PIP5K1C: variants seen among roughly 807,000 people sequenced by gnomAD.
PIP5K1C encodes the protein phosphatidylinositol 4-phosphate 5-kinase type-1 gamma.
A neutral mutation model predicts 80.1 loss-of-function variants in PIP5K1C; 45 were observed. That is an observed-to-expected ratio of 0.56 (90% CI 0.44 to 0.72). The LOEUF is 0.72. PIP5K1C is among the 30% of genes least tolerant of loss of function. The pLI is 0.00. For missense variants in PIP5K1C, 753 were observed against 954.6 expected, an observed-to-expected ratio of 0.79 and a Z score of 2.78; for synonymous variants, 498 against 420.1, an observed-to-expected ratio of 1.19 and a Z score of -2.27.
rs139331643 is a variant in PIP5K1C at position 3,680,594 on chromosome 19, G to A, written c.95-13241C>T. Among the ~76,000 whole-genome samples, 600 of 152,310 alleles carry A rather than the reference G, an allele frequency of 3.9e-3. 6 individuals are homozygous for A. Among genetic ancestry groups the A allele is most frequent in the African/African-American group, 0.014 (589 of 41,572 alleles). ...TGGGATGACAGGCGTGAGCCACCGC[G>A]CCCGGACTGTCTAAATACAATGTCT... On this transcript the variant is annotated intron_variant, in intron 1 of 17. Transcript: ENST00000335312.
At chr19:3,665,880 G>A (rs1448077634) in intron 2 of PIP5K1C, among the ~76,000 whole-genome samples, 1 of 152,066 alleles carries the variant, frequency 6.6e-6, no homozygotes, top group African/African-American at 2.4e-5. Flanking sequence ...CGTTTGCTAG[G>A]AGACCCCATG....
intron 16 of PIP5K1C, among the ~76,000 whole-genome samples, chr19:3,636,115 C>T (rs141353408): frequency 6.6e-6 from 1 of 152,120 alleles, no homozygotes; most frequent in African/African-American, 2.4e-5. Context: ...TGAGATCATG[C>T]CATTGCACTC....
intron 3 of PIP5K1C, among the ~76,000 whole-genome samples, chr19:3,664,453 T>C (rs2034940775): frequency 6.6e-6 from 1 of 152,050 alleles, no homozygotes; most frequent in African/African-American, 2.4e-5. Context: ...ACCAACACGG[T>C]GTGAGCCAGG....
intron 1 of PIP5K1C, among the ~76,000 whole-genome samples, chr19:3,685,824 T>C (rs1024166184): frequency 7.3e-5 from 11 of 151,296 alleles, no homozygotes; most frequent in African/African-American, 2.7e-4. Flanking sequence ...TGTGGAGGAG[T>C]TGTGACAGAG....
chr19:3,651,537 C>G (rs2034449717), intron 8 of PIP5K1C, among the ~76,000 whole-genome samples: 1 of 152,212 alleles, frequency 6.6e-6, no homozygotes, highest in African/African-American at 2.4e-5. Flanking sequence ...GAAACGCTAT[C>G]TCTCTCTCAT....
At chr19:3,651,067 T>C (rs1379864616) in intron 8 of PIP5K1C, among the ~76,000 whole-genome samples, 2 of 150,404 alleles carry the variant, frequency 1.3e-5, no homozygotes, top group Non-Finnish European at 3.0e-5. Flanking sequence ...TTTTTTTTTT[T>C]TTTTTAAGAC....
chr19:3,633,863 T>C (rs1047677052), intron 16 of PIP5K1C, among the ~76,000 whole-genome samples: 3 of 151,904 alleles, frequency 2.0e-5, no homozygotes, highest in African/African-American at 7.3e-5. Context: ...CTCCTCCTCC[T>C]CCACAGCCCG....
At position 3,653,373 on chromosome 19, in the gene PIP5K1C, A is replaced by C; in HGVS notation, c.838T>G (p.Phe280Val). The C allele has an allele frequency of 1.2e-6, 2 of 1,612,728 alleles. No individual in the cohort carries two copies. The highest frequency in any genetic ancestry group is 8.5e-7 in the Non-Finnish European group (1 of 1,180,010). ...AGCCCCTCGGGCATGTCCTGCATGA[A>C]GTCCAGGTCCTTGTAGGTGGGGAAG... Reference protein sequence around the residue: ...KSFPTYKDLDFMQDMPEGLLL... With the variant: ...KSFPTYKDLDVMQDMPEGLLL... Residue 280 changes from phenylalanine (F) to valine (V), a missense_variant, in exon 7 of 18, where the codon TTC (phenylalanine) becomes GTC (valine). Physicochemically the swap from Phe to Val is conservative, Grantham distance 50. This residue lies in a region of PIP5K1C where 105 missense variants were observed against 133.4 expected (regional missense o/e 0.79). Coordinates refer to ENST00000335312, the MANE Select transcript of PIP5K1C (RefSeq NM_012398.3).
At chr19:3,655,945 G>A (rs2034611737) in intron 6 of PIP5K1C, among the ~76,000 whole-genome samples, 1 of 152,230 alleles carries the variant, frequency 6.6e-6, no homozygotes, top group Non-Finnish European at 1.5e-5. Flanking sequence ...GCCGGATGGA[G>A]CTGCCTCACG....
intron 4 of PIP5K1C, 83 bp downstream of exon 4, chr19:3,661,788 A>G: frequency 6.5e-7 from 1 of 1,550,252 alleles, no homozygotes; most frequent in Non-Finnish European, 8.8e-7. Flanking sequence ...CTTTCAGCAG[A>G]GAAGGGCGCT....
In PIP5K1C at chr19:3,686,731, T is replaced by TAAAATA. The variant is rs1555729780; in HGVS notation, c.94+13565_94+13566insTATTTT. On this transcript the variant is annotated intron_variant, in intron 1 of 17. Coordinates refer to ENST00000335312, the MANE Select transcript of PIP5K1C (RefSeq NM_012398.3). ...GAAACTCCGTCTCAAAATAAATAAA[T>TAAAATA]AAATAAAATAAAATAAAATAAAATA... Among the ~76,000 whole-genome samples the TAAAATA allele has an allele frequency of 2.9e-4, 44 of 149,334 alleles. 1 individual carries two copies. The highest frequency in any genetic ancestry group is 1.1e-3 in the African/African-American group (43 of 40,622).
At chr19:3,655,165 T>A (rs1456436944) in intron 6 of PIP5K1C, among the ~76,000 whole-genome samples, 1 of 141,488 alleles carries the variant, frequency 7.1e-6, no homozygotes, top group Non-Finnish European at 1.5e-5. Context: ...ACGCCTATAA[T>A]TCCAACACTC....
At chr19:3,647,517 A>G in intron 9 of PIP5K1C, 131 bp from the exon 10 acceptor site, 1 of 790,576 alleles carries the variant, frequency 1.3e-6, no homozygotes, top group South Asian at 1.5e-5. Flanking sequence ...GTCAAAACTC[A>G]GGGTGGCAGG....
At chr19:3,681,597 G>C (rs573191052) in intron 1 of PIP5K1C, among the ~76,000 whole-genome samples, 1 of 152,030 alleles carries the variant, frequency 6.6e-6, no homozygotes, top group African/African-American at 2.4e-5. Context: ...ATCCCCCCGC[G>C]GGCTGGTGCT....
At chr19:3,633,575 G>A (rs754910521) in intron 16 of PIP5K1C, 55 bp from the exon 17 acceptor site, 4 of 1,200,882 alleles carry the variant, frequency 3.3e-6, no homozygotes, top group Non-Finnish European at 4.4e-6. Context: ...GCGAGGAGGT[G>A]CAAGAGAGGC....
chr19:3,693,562 G>A (rs959663829), intron 1 of PIP5K1C, among the ~76,000 whole-genome samples: 1 of 152,198 alleles, frequency 6.6e-6, no homozygotes, highest in Non-Finnish European at 1.5e-5. Context: ...ACATGCTGCC[G>A]GGGCCAGGCG....
rs1341417079 is a variant in PIP5K1C at position 3,644,116 on chromosome 19, G to GC, written c.1480dup (p.Ala494GlyfsTer44). 1.2e-6 allele frequency: 2 copies of GC among 1,611,346 alleles called. No individual in the cohort carries two copies. Among genetic ancestry groups the GC allele is most frequent in the Non-Finnish European group, 1.7e-6 (2 of 1,179,838 alleles). On this transcript the variant is annotated frameshift_variant, in exon 12 of 18. Coordinates refer to ENST00000335312, the MANE Select transcript of PIP5K1C (RefSeq NM_012398.3). LOFTEE classifies it high-confidence loss of function. ...GTCCTCCAGCGTGGGGTAGCTGCGGGCCCCCCGCAGGTCGTACTGGGCCTC... is the reference window on the plus strand; with the variant it reads ...GTCCTCCAGCGTGGGGTAGCTGCGGGCCCCCCCGCAGGTCGTACTGGGCCTC...
intron 15 of PIP5K1C, among the ~76,000 whole-genome samples, chr19:3,639,603 T>A (rs2033877836): frequency 6.6e-6 from 1 of 152,012 alleles, no homozygotes; most frequent in South Asian, 2.1e-4. Flanking sequence ...AACTAATTTT[T>A]TTTTTTTTTT....
At chr19:3,666,327 C>T (rs1217824076) in intron 2 of PIP5K1C, among the ~76,000 whole-genome samples, 6 of 152,342 alleles carry the variant, frequency 3.9e-5, no homozygotes, top group African/African-American at 9.6e-5. Context: ...CACCCCACTG[C>T]GCCCACTGGG....
Sources: allele counts gnomAD v4.1 joint callset (sites outside exome capture counted in the v4.1 genomes callset), GRCh38; gene constraint gnomAD v4.1.1; regional missense constraint gnomAD v4.1.1; transcripts MANE v1.5; gene names NCBI Gene and HGNC (gene_info 2026-07-23, HGNC 2026-07-21).